The following ESRRG variants were observed in gnomAD, a reference collection of about 807,000 sequenced individuals.
The protein encoded by ESRRG is estrogen-related receptor gamma.
ESRRG carries 13 observed loss-of-function variants against 44.0 expected under a neutral mutation model. The observed-to-expected ratio is 0.30, with a 90% CI of 0.19 to 0.47. The LOEUF is 0.47. Among genes scored for constraint, ESRRG ranks in the 20% least tolerant of loss-of-function variants. ESRRG has a pLI of 1.00. For synonymous variants in ESRRG, 215 were observed against 214.6 expected (o/e 1.00, Z -0.02); for missense variants, 395 against 580.6 (o/e 0.68, Z 3.29).
intron 2 of ESRRG, among the ~76,000 whole-genome samples, chr1:216,904,224 A>G (rs1484989691): frequency 1.2e-4 from 18 of 150,248 alleles, no homozygotes. Flanking sequence ...ACTGATAATT[A>G]GTGAGTTAAT....
chr1:216,817,484 T>C (rs1271069690), intron 2 of ESRRG, among the ~76,000 whole-genome samples: 1 of 152,168 alleles, frequency 6.6e-6, no homozygotes, highest in African/African-American at 2.4e-5. Context: ...CTTACATAAA[T>C]AGGCTTAGAT....
chr1:216,596,871 A>G (rs2058518024), intron 3 of ESRRG, among the ~76,000 whole-genome samples: 1 of 152,116 alleles, frequency 6.6e-6, no homozygotes, highest in Non-Finnish European at 1.5e-5. Flanking sequence ...TACAATTCCT[A>G]GTGTTAAATG....
chr1:216,707,395 A>T (rs146839065), intron 1 of ESRRG: 1 of 1,536,016 alleles, frequency 6.5e-7, no homozygotes. Context: ...ATCAGACTTG[A>T]CTGCTCCAAG....
At chr1:216,863,314 T>C (rs939587915) in intron 2 of ESRRG, 6 of 152,192 alleles carry the variant, frequency 3.9e-5, no homozygotes, top group African/African-American at 1.4e-4. Context: ...AGAGAAATTA[T>C]AGCATTTTTT....
intron 1 of ESRRG, among the ~76,000 whole-genome samples, chr1:216,712,611 T>A (rs930454102): frequency 1.3e-5 from 2 of 152,234 alleles, no homozygotes; most frequent in Non-Finnish European, 2.9e-5. Flanking sequence ...GCTTGCCCAC[T>A]TCTGAAGAAA....
intron 2 of ESRRG, among the ~76,000 whole-genome samples, chr1:216,922,603 T>C (rs1004035381): frequency 6.6e-6 from 1 of 152,216 alleles, no homozygotes; most frequent in African/African-American, 2.4e-5. Context: ...ATTTTCATAC[T>C]CTAATCCTAT....
At chr1:217,104,630 T>C (rs932325942) in intron 1 of ESRRG, among the ~76,000 whole-genome samples, 1 of 152,144 alleles carries the variant, frequency 6.6e-6, no homozygotes, top group African/African-American at 2.4e-5. Flanking sequence ...ATCAGTTGAC[T>C]GGTCCCCAAG....
At chr1:216,593,742 T>G (rs1235673534) in intron 3 of ESRRG, among the ~76,000 whole-genome samples, 1 of 152,192 alleles carries the variant, frequency 6.6e-6, no homozygotes, top group South Asian at 2.1e-4. Context: ...ACTGACTTTT[T>G]GTGTGTGTGT....
chr1:216,885,364 A>C (rs532062666), intron 2 of ESRRG, among the ~76,000 whole-genome samples: 1 of 152,250 alleles, frequency 6.6e-6, no homozygotes, highest in South Asian at 2.1e-4. Context: ...GAACAATGAG[A>C]TGGAGTTTCA....
intron 1 of ESRRG, among the ~76,000 whole-genome samples, chr1:216,952,668 T>C (rs2067175205): frequency 6.6e-6 from 1 of 152,100 alleles, no homozygotes; most frequent in African/African-American, 2.4e-5. Context: ...TCATGCAAGA[T>C]AGCAAAATTG....
intron 3 of ESRRG, among the ~76,000 whole-genome samples, chr1:216,606,602 C>A (rs897708924): frequency 2.6e-5 from 4 of 152,056 alleles, no homozygotes; most frequent in African/African-American, 7.2e-5. Flanking sequence ...CCCCCCACAA[C>A]CCAATTATCA....
upstream of ESRRG, among the ~76,000 whole-genome samples, chr1:216,727,707 C>G (rs1006329530): frequency 6.6e-6 from 1 of 152,100 alleles, no homozygotes; most frequent in African/African-American, 2.4e-5. Flanking sequence ...GCAATCATTT[C>G]TGCTGAAAGT....
Position 216,897,181 on chromosome 1 carries a change from T to C in ESRRG, c.-14+42401A>G, listed in dbSNP as rs116738231. Among the ~76,000 whole-genome samples the C allele has an allele frequency of 1.5e-3, 227 of 152,220 alleles. 1 individual carries two copies. Among genetic ancestry groups the C allele is most frequent in the African/African-American group, 5.3e-3 (220 of 41,542 alleles). Reference sequence around the variant, plus strand: ...ATGAGGAGGAAAGAAAATGTACAAATGAGAAGGACCCAGTGGATTTGCCAT... The same window carrying C: ...ATGAGGAGGAAAGAAAATGTACAAACGAGAAGGACCCAGTGGATTTGCCAT... On this transcript the variant is annotated intron_variant, in intron 2 of 7. Transcript: ENST00000359162.
At chr1:216,908,108 T>C (rs1397995539) in intron 2 of ESRRG, among the ~76,000 whole-genome samples, 2 of 152,236 alleles carry the variant, frequency 1.3e-5, no homozygotes, top group African/African-American at 4.8e-5. Context: ...ATTACAAATT[T>C]CTCTCAACTC....
At chr1:216,544,973 C>T (rs915552451) in intron 5 of ESRRG, among the ~76,000 whole-genome samples, 2 of 151,698 alleles carry the variant, frequency 1.3e-5, no homozygotes, top group African/African-American at 4.8e-5. Flanking sequence ...ATTATGTATC[C>T]TCATATATTT....
intron 1 of ESRRG, among the ~76,000 whole-genome samples, chr1:217,010,913 A>T (rs553259735): frequency 6.6e-6 from 1 of 152,322 alleles, no homozygotes; most frequent in Admixed American, 6.5e-5. Flanking sequence ...TTACCTCCTT[A>T]CCCATCCCTT....
At chr1:217,032,612 A>G (rs892671415) in intron 1 of ESRRG, among the ~76,000 whole-genome samples, 4 of 152,210 alleles carry the variant, frequency 2.6e-5, no homozygotes, top group African/African-American at 9.7e-5. Flanking sequence ...AACCTAAAAA[A>G]GTTATATATT....
chr1:216,608,266 T>A (rs1408509796), intron 3 of ESRRG, among the ~76,000 whole-genome samples: 1 of 152,226 alleles, frequency 6.6e-6, no homozygotes, highest in African/African-American at 2.4e-5. Context: ...ATTGCTTTTG[T>A]CATGACTGTA....
intron 1 of ESRRG, among the ~76,000 whole-genome samples, chr1:217,127,348 G>T (rs2092906308): frequency 6.6e-6 from 1 of 152,168 alleles, no homozygotes; most frequent in Admixed American, 6.5e-5. Flanking sequence ...CAGGACTTAT[G>T]CAGGTAAACA....
Sources: gnomAD v4.1 joint callset for allele counts (sites outside exome capture counted in the v4.1 genomes callset) on GRCh38, gnomAD v4.1.1 for gene constraint, MANE v1.5 for transcripts, NCBI Gene and HGNC (gene_info 2026-07-23, HGNC 2026-07-21) for gene names.